MYO3A: variants seen among roughly 807,000 people sequenced by gnomAD.
The protein encoded by MYO3A is myosin IIIA.
In MYO3A, 180 loss-of-function variants were observed where a neutral mutation model predicts 192.7. That is an observed-to-expected ratio of 0.93 (90% CI 0.83 to 1.06). The LOEUF (loss-of-function observed/expected upper bound fraction) is 1.06, where lower values mean the gene tolerates loss of function less well. MYO3A is among the 50% of genes least tolerant of loss of function. The pLI, the probability that MYO3A is intolerant of heterozygous loss-of-function variation, is 0.00. For synonymous variants in MYO3A, 628 were observed against 645.3 expected, an observed-to-expected ratio of 0.97 and a Z score of 0.41; for missense variants, 1,896 against 1,905.0, an observed-to-expected ratio of 1.00 and a Z score of 0.09.
chr10:25,940,158 C>A (rs949070637), intron 2 of MYO3A, among the ~76,000 whole-genome samples: 1 of 151,894 alleles, frequency 6.6e-6, no homozygotes, highest in Non-Finnish European at 1.5e-5. Flanking sequence ...TGAGTGTAGT[C>A]CAGTTATAAT....
intron 2 of MYO3A, among the ~76,000 whole-genome samples, chr10:25,943,108 A>G (rs1836607423): frequency 6.6e-6 from 1 of 151,664 alleles, no homozygotes; most frequent in Non-Finnish European, 1.5e-5. Context: ...ATCTATTTTG[A>G]GTTAATTTTT....
At chr10:26,129,637 G>A (rs190771709) in intron 20 of MYO3A, among the ~76,000 whole-genome samples, 1 of 152,170 alleles carries the variant, frequency 6.6e-6, no homozygotes, top group East Asian at 1.9e-4. Context: ...TCCCCATCTG[G>A]TACTTTGAGG....
At chr10:26,113,889 A>C (rs1251916413) in intron 17 of MYO3A, among the ~76,000 whole-genome samples, 1 of 152,174 alleles carries the variant, frequency 6.6e-6, no homozygotes, top group Non-Finnish European at 1.5e-5. Context: ...GGGGCATTTA[A>C]TTTCCTTCTA....
chr10:26,080,810 A>G lies in MYO3A; in HGVS notation c.1360-7393A>G, dbSNP rs1835877999. ...GCTTCCTGTGAGCTGAACTGCAGTG[A>G]TTGTTTTCTCTCTTCTGGGTCAAGC... On this transcript the variant is annotated intron_variant, in intron 14 of 34. Transcript: ENST00000642920. Among the ~76,000 whole-genome samples, 3 of 151,740 alleles carry G rather than the reference A, an allele frequency of 2.0e-5. No individual in the cohort carries two copies. In the South Asian group the frequency reaches 6.2e-4, roughly 32 times the overall value.
intron 7 of MYO3A, 37 bp from the exon 8 acceptor site, chr10:26,021,466 A>G: frequency 1.9e-6 from 3 of 1,608,510 alleles, no homozygotes; most frequent in Non-Finnish European, 2.6e-6. Context: ...TGTTAAAGTC[A>G]CAAATTTCAC....
intron 1 of MYO3A, among the ~76,000 whole-genome samples, chr10:25,934,529 G>A (rs1042255259): frequency 6.6e-6 from 1 of 152,090 alleles, no homozygotes; most frequent in Non-Finnish European, 1.5e-5. Context: ...GGCCTGGGGT[G>A]AGAGAGGGGA....
chr10:26,049,637 A>G (rs555363046), intron 10 of MYO3A, among the ~76,000 whole-genome samples: 1 of 149,556 alleles, frequency 6.7e-6, no homozygotes, highest in South Asian at 2.2e-4. Flanking sequence ...AGGCAGAGTG[A>G]TGCAAAGATG....
At chr10:26,160,485 A>AT (rs541199891) in intron 26 of MYO3A, among the ~76,000 whole-genome samples, 41 of 152,068 alleles carry the variant, frequency 2.7e-4, no homozygotes, top group East Asian at 2.1e-3. Flanking sequence ...TCTAAAAACA[A>AT]TTTTTTTTAA....
At chr10:25,984,901 C>T (rs1261764011) in intron 4 of MYO3A, among the ~76,000 whole-genome samples, 1 of 152,104 alleles carries the variant, frequency 6.6e-6, no homozygotes, top group African/African-American at 2.4e-5. Context: ...ACAGCAAAAG[C>T]AGTTCTAAGA....
Position 26,021,620 on chromosome 10 carries a change from C to T in MYO3A, c.703C>T (p.Pro235Ser). The T allele has an allele frequency of 6.2e-7, 1 of 1,614,102 alleles. No homozygotes were observed. The highest frequency in any genetic ancestry group is 8.5e-7 in the Non-Finnish European group (1 of 1,179,992). ...AGATCCTCCACTAGCTGACCTTCAT[C>T]CCATGAGAGCACTCTTCAAAATACC... ...DGDPPLADLH[P>S]MRALFKIPRN... The change falls in exon 8 of 35, where the codon CCC (proline) becomes TCC (serine). Residue 235 changes from proline (P) to serine (S), a missense_variant. Pro to Ser is a moderately conservative substitution (Grantham distance 74). Coordinates refer to ENST00000642920, the MANE Select transcript of MYO3A (RefSeq NM_017433.5).
At chr10:25,949,805 C>T (rs1414317074) in intron 2 of MYO3A, among the ~76,000 whole-genome samples, 1 of 151,984 alleles carries the variant, frequency 6.6e-6, no homozygotes, top group African/African-American at 2.4e-5. Context: ...TTCGAAGAAC[C>T]CTATTCATTT....
intron 17 of MYO3A, among the ~76,000 whole-genome samples, chr10:26,119,446 A>G (rs370911487): frequency 6.6e-6 from 1 of 152,158 alleles, no homozygotes; most frequent in African/African-American, 2.4e-5. Context: ...TAGATATCCC[A>G]CATATATATT....
chr10:26,043,810 C>T (rs538882133), intron 10 of MYO3A, among the ~76,000 whole-genome samples: 2 of 152,294 alleles, frequency 1.3e-5, no homozygotes, highest in East Asian at 1.9e-4. Flanking sequence ...GCTGTATGCC[C>T]CTGTGGCAAA....
intron 26 of MYO3A, 26 bp from the exon 27 acceptor site, chr10:26,166,041 T>C: frequency 6.3e-7 from 1 of 1,591,592 alleles, no homozygotes; most frequent in Non-Finnish European, 8.6e-7. Context: ...TATGCAATAC[T>C]AACCAGCCCT....
intron 10 of MYO3A, among the ~76,000 whole-genome samples, chr10:26,056,927 A>G (rs1454421136): frequency 2.6e-5 from 4 of 151,298 alleles, no homozygotes; most frequent in African/African-American, 9.7e-5. Context: ...AGGTAGAGAT[A>G]ATTGAGGTGA....
intron 10 of MYO3A, among the ~76,000 whole-genome samples, chr10:26,055,564 C>T (rs972455195): frequency 6.6e-6 from 1 of 152,148 alleles, no homozygotes; most frequent in Non-Finnish European, 1.5e-5. Flanking sequence ...AGATTCCAGT[C>T]ACAGGTGGCC....
chr10:26,168,158 C>T (rs1311480213), intron 27 of MYO3A, among the ~76,000 whole-genome samples: 1 of 152,148 alleles, frequency 6.6e-6, no homozygotes, highest in Non-Finnish European at 1.5e-5. Context: ...TTCTCTTGGC[C>T]TTATTCTCTT....
chr10:26,018,050 G>A (rs1187501276), intron 7 of MYO3A, among the ~76,000 whole-genome samples: 1 of 150,528 alleles, frequency 6.6e-6, no homozygotes, highest in African/African-American at 2.4e-5. Flanking sequence ...TATGGGTTTT[G>A]TATGTTTATT....
intron 6 of MYO3A, among the ~76,000 whole-genome samples, chr10:26,013,840 C>G (rs1056511388): frequency 7.2e-5 from 11 of 152,174 alleles, no homozygotes; most frequent in African/African-American, 2.6e-4. Flanking sequence ...TATAGCAGCA[C>G]TATTCACAAT....
Sources: gnomAD v4.1 joint callset for allele counts (sites outside exome capture counted in the v4.1 genomes callset) on GRCh38, gnomAD v4.1.1 for gene constraint, MANE v1.5 for transcripts, NCBI Gene and HGNC (gene_info 2026-07-23, HGNC 2026-07-21) for gene names.